The following PDE11A variants were observed in gnomAD, a reference collection of about 807,000 sequenced individuals.
The protein encoded by PDE11A is phosphodiesterase 11A.
Under a neutral mutation model 100.5 loss-of-function variants are expected in PDE11A, and 100 were observed. That is an observed-to-expected ratio of 1.00 (90% confidence interval 0.85 to 1.18). The LOEUF (loss-of-function observed/expected upper bound fraction) is 1.18, where lower values mean the gene tolerates loss of function less well. Among genes scored for constraint, PDE11A ranks in the 50% most tolerant of loss-of-function variants. The pLI is 0.00. For synonymous variants in PDE11A, 381 were observed against 420.8 expected (o/e 0.91, Z 1.16); for missense variants, 1,141 against 1,152.6 (o/e 0.99, Z 0.15).
intron 18 of PDE11A, among the ~76,000 whole-genome samples, chr2:177,667,000 C>G (rs926826927): frequency 3.9e-5 from 6 of 151,928 alleles, no homozygotes; most frequent in African/African-American, 1.5e-4. Context: ...TCACTGCAAC[C>G]TCTGCCTCCT....
chr2:177,655,460 T>G (rs541600114), intron 19 of PDE11A, among the ~76,000 whole-genome samples: 2 of 152,208 alleles, frequency 1.3e-5, no homozygotes, highest in East Asian at 3.8e-4. Flanking sequence ...GAACAGGAAC[T>G]AATCCATTCT....
intron 10 of PDE11A, among the ~76,000 whole-genome samples, chr2:177,760,571 A>G (rs2082154442): frequency 6.6e-6 from 1 of 152,226 alleles, no homozygotes; most frequent in African/African-American, 2.4e-5. Flanking sequence ...CTTTCTTCCT[A>G]GAGATAAATT....
intron 2 of PDE11A, among the ~76,000 whole-genome samples, chr2:177,942,404 T>C (rs1445223669): frequency 8.3e-5 from 2 of 24,196 alleles, no homozygotes; most frequent in African/African-American, 2.8e-4. Flanking sequence ...TTTTTTAAAA[T>C]TATTTTTTTT....
intron 1 of PDE11A, among the ~76,000 whole-genome samples, chr2:178,046,039 G>C (rs1395279528): frequency 6.6e-6 from 1 of 152,168 alleles, no homozygotes; most frequent in Admixed American, 6.5e-5. Flanking sequence ...ATAAACTTGG[G>C]AAAGTTACTA....
chr2:177,688,756 A>C (rs1329913905), intron 15 of PDE11A, among the ~76,000 whole-genome samples: 1 of 152,278 alleles, frequency 6.6e-6, no homozygotes, highest in Non-Finnish European at 1.5e-5. Context: ...TCTTTAAAAA[A>C]GCATCATTTG....
chr2:177,783,711 T>C (rs1404953588), intron 9 of PDE11A, among the ~76,000 whole-genome samples: 1 of 152,234 alleles, frequency 6.6e-6, no homozygotes, highest in Non-Finnish European at 1.5e-5. Flanking sequence ...ACGCCTCTTA[T>C]TGAAAATCTG....
chr2:177,832,435 G>A (rs1358560834), intron 6 of PDE11A, among the ~76,000 whole-genome samples: 3 of 152,104 alleles, frequency 2.0e-5, no homozygotes, highest in East Asian at 1.9e-4. Context: ...TCCTGCCCTC[G>A]AACATCGGTC....
intron 2 of PDE11A, among the ~76,000 whole-genome samples, chr2:177,985,702 C>T (rs534434817): frequency 6.6e-6 from 1 of 152,276 alleles, no homozygotes; most frequent in African/African-American, 2.4e-5. Flanking sequence ...TTTCTATCTG[C>T]CTCAGTCTCT....
At position 178,072,389 on chromosome 2, in the gene PDE11A, T is replaced by G. The variant is rs1430875273; in HGVS notation, c.49A>C (p.Arg17=). 2 of 1,613,660 alleles carry G rather than the reference T, an allele frequency of 1.2e-6. No homozygotes were observed. The highest frequency in any genetic ancestry group is 1.7e-6 in the Non-Finnish European group (2 of 1,180,052). Residue 17 remains arginine, a synonymous_variant, in exon 1 of 20, where the codon AGG becomes CGG. Coordinates refer to ENST00000286063, the MANE Select transcript of PDE11A (RefSeq NM_016953.4). ...TAATCTTCAAACAACTCTGGGTGCC[T>G]GTCCAGGAAAGTTTCCACCTCCCCA... ...DFGEVETFLD[R]HPELFEDYLM...
At chr2:177,949,995 A>G (rs1302396332) in intron 2 of PDE11A, among the ~76,000 whole-genome samples, 1 of 150,904 alleles carries the variant, frequency 6.6e-6, no homozygotes, top group East Asian at 2.0e-4. Context: ...TTTGTTGAGA[A>G]CATGATATAA....
At chr2:177,630,930 A>G (rs1030101527) in intron 19 of PDE11A, among the ~76,000 whole-genome samples, 1 of 152,142 alleles carries the variant, frequency 6.6e-6, no homozygotes, top group Admixed American at 6.5e-5. Flanking sequence ...GTCCTTTTAA[A>G]CCATGAGGTT....
chr2:177,637,997 A>ATATATAT (rs1433320166), intron 19 of PDE11A, among the ~76,000 whole-genome samples: 2 of 106,536 alleles, frequency 1.9e-5, no homozygotes, highest in African/African-American at 8.1e-5. Context: ...ATATATATAT[A>ATATATAT]TTTTTTTTTT....
At chr2:177,768,562 C>T (rs928253445) in intron 10 of PDE11A, among the ~76,000 whole-genome samples, 4 of 152,200 alleles carry the variant, frequency 2.6e-5, no homozygotes, top group Admixed American at 1.3e-4. Flanking sequence ...CCTTTACTCC[C>T]GTGTTTTGCT....
chr2:177,658,342 T>C (rs753527332), intron 19 of PDE11A, among the ~76,000 whole-genome samples: 5 of 152,176 alleles, frequency 3.3e-5, no homozygotes, highest in Non-Finnish European at 5.9e-5. Flanking sequence ...GCCACCACCC[T>C]ACTCCCCATC....
rs574426231 is a variant in PDE11A, at chr2:178,072,332, C to T, written c.106G>A (p.Glu36Lys). The T allele has an allele frequency of 4.3e-6, 7 of 1,614,192 alleles. No homozygotes were observed. In the East Asian group the frequency reaches 1.3e-4, roughly 31 times the overall value. Reference protein sequence around the residue: ...LMRKGKQEMVEKWLQRHSQGQ... With the variant: ...LMRKGKQEMVKKWLQRHSQGQ... Reference sequence around the variant, plus strand: ...TGACTGTGCCTCTGCAGCCACTTTTCAACCATCTCCTGCTTCCCCTTCCGC... The same window carrying T: ...TGACTGTGCCTCTGCAGCCACTTTTTAACCATCTCCTGCTTCCCCTTCCGC... The change falls in exon 1 of 20, where the codon GAA (glutamate) becomes AAA (lysine). Residue 36 changes from glutamate to lysine, a missense_variant. Coordinates refer to ENST00000286063, the MANE Select transcript of PDE11A (RefSeq NM_016953.4).
At chr2:178,023,917 C>T (rs1414481531) in intron 1 of PDE11A, among the ~76,000 whole-genome samples, 1 of 152,106 alleles carries the variant, frequency 6.6e-6, no homozygotes, top group Non-Finnish European at 1.5e-5. Context: ...CCTACAGACA[C>T]TTAGACATAC....
chr2:177,687,754 T>C (rs2080975632), intron 15 of PDE11A: 1 of 152,224 alleles, frequency 6.6e-6, no homozygotes, highest in Non-Finnish European at 1.5e-5. Context: ...TATGTTTGAA[T>C]TTTCATTATA....
intron 13 of PDE11A, among the ~76,000 whole-genome samples, chr2:177,709,504 A>G (rs1175298565): frequency 6.6e-6 from 1 of 152,156 alleles, no homozygotes; most frequent in Non-Finnish European, 1.5e-5. Flanking sequence ...AGGGGACTGT[A>G]GGACTTTGAA....
intron 1 of PDE11A, among the ~76,000 whole-genome samples, chr2:178,041,488 C>T (rs532096348): frequency 4.5e-4 from 68 of 151,772 alleles, no homozygotes; most frequent in African/African-American, 1.4e-3. Flanking sequence ...CTGATCCGCC[C>T]GCCTCAGCCT....
Sources: allele counts gnomAD v4.1 joint callset (sites outside exome capture counted in the v4.1 genomes callset), GRCh38; gene constraint gnomAD v4.1.1; transcripts MANE v1.5; gene names NCBI Gene and HGNC (gene_info 2026-07-23, HGNC 2026-07-21).